The following RPS6KB1 variants were observed in gnomAD, a reference collection of about 807,000 sequenced individuals.
RPS6KB1 encodes the protein ribosomal protein S6 kinase beta-1.
In RPS6KB1, 12 loss-of-function variants were observed where a neutral mutation model predicts 70.2. The observed-to-expected ratio is 0.17, with a 90% CI of 0.11 to 0.28. The LOEUF is 0.28. RPS6KB1 is among the 10% of genes least tolerant of loss of function. The probability of loss-of-function intolerance (pLI) is 1.00; values close to 1 mark genes in which losing one functional copy is unlikely to be tolerated. For missense variants in RPS6KB1, 270 were observed against 646.6 expected (o/e 0.42, Z 6.32); for synonymous variants, 175 against 211.2 (o/e 0.83, Z 1.49).
intron 1 of RPS6KB1, among the ~76,000 whole-genome samples, chr17:59,909,456 CTG>C (rs1568409975): frequency 1.3e-5 from 2 of 149,366 alleles, no homozygotes; most frequent in Non-Finnish European, 3.0e-5. Flanking sequence ...TTATTAGAGA[CTG>C]GATTTCATCG....
chr17:59,927,894 T>C (rs1444319447), intron 5 of RPS6KB1, among the ~76,000 whole-genome samples: 6 of 151,072 alleles, frequency 4.0e-5, no homozygotes, highest in Admixed American at 3.3e-4. Flanking sequence ...GCTCAGTGGC[T>C]CATGCCTGTA....
chr17:59,939,193 GT>G (rs939771754), intron 12 of RPS6KB1, among the ~76,000 whole-genome samples: 3 of 151,892 alleles, frequency 2.0e-5, no homozygotes, highest in Non-Finnish European at 4.4e-5. Flanking sequence ...GTGTGTGTGT[GT>G]TTTTTTCTTT....
Position 59,917,029 on chromosome 17 carries a change from A to G in RPS6KB1, c.381+2326A>G, listed in dbSNP as rs145487008. On this transcript the variant is annotated intron_variant, in intron 4 of 14. Coordinates refer to ENST00000225577, the MANE Select transcript of RPS6KB1 (RefSeq NM_003161.4). ...ATTCCCAGTCGTTTACACATGGCCTATTTTTTCTGTGGAAATATTTAAGAT... is the reference window on the plus strand; with the variant it reads ...ATTCCCAGTCGTTTACACATGGCCTGTTTTTTCTGTGGAAATATTTAAGAT... Among the ~76,000 whole-genome samples the G allele has an allele frequency of 6.8e-4, 103 of 151,930 alleles. No homozygotes were observed. In the East Asian group the frequency reaches 0.019, roughly 28 times the overall value.
chr17:59,903,857 T>C (rs2042106423), intron 1 of RPS6KB1, among the ~76,000 whole-genome samples: 1 of 152,150 alleles, frequency 6.6e-6, no homozygotes, highest in African/African-American at 2.4e-5. Context: ...GAAATACCTA[T>C]TCAGATCCTA....
At chr17:59,936,419 A>G in intron 11 of RPS6KB1, 45 bp from the exon 12 acceptor site, 1 of 1,579,100 alleles carries the variant, frequency 6.3e-7, no homozygotes, top group East Asian at 2.2e-5. Flanking sequence ...TCAATCCAGC[A>G]AAGTCTAGTC....
chr17:59,925,994 TGTG>T (rs1401953181), intron 4 of RPS6KB1, among the ~76,000 whole-genome samples: 1 of 152,110 alleles, frequency 6.6e-6, no homozygotes, highest in African/African-American at 2.4e-5. Flanking sequence ...CTAGGTCAGA[TGTG>T]GTTCCCCTGT....
intron 1 of RPS6KB1, among the ~76,000 whole-genome samples, chr17:59,895,267 G>T (rs181307160): frequency 1.4e-5 from 2 of 147,868 alleles, no homozygotes; most frequent in Non-Finnish European, 3.0e-5. Context: ...TAATCTGCCC[G>T]CCTCGGCCTC....
chr17:59,932,406 C>G (rs932894190), intron 7 of RPS6KB1, among the ~76,000 whole-genome samples: 5 of 151,968 alleles, frequency 3.3e-5, no homozygotes, highest in African/African-American at 1.2e-4. Flanking sequence ...GAGCGAGACT[C>G]CGTCTCAAAA....
chr17:59,908,826 G>A (rs1268275839), intron 1 of RPS6KB1, among the ~76,000 whole-genome samples: 2 of 141,012 alleles, frequency 1.4e-5, no homozygotes, highest in African/African-American at 5.5e-5. Flanking sequence ...CACCGTGTTA[G>A]CCAGGATGGT....
chr17:59,932,302 C>T (rs1195091319), intron 7 of RPS6KB1, among the ~76,000 whole-genome samples: 1 of 151,562 alleles, frequency 6.6e-6, no homozygotes, highest in Non-Finnish European at 1.5e-5. Context: ...ATCCCAGCTA[C>T]TCAGGAGGCT....
intron 4 of RPS6KB1, among the ~76,000 whole-genome samples, chr17:59,925,133 T>G (rs2043529027): frequency 6.6e-6 from 1 of 152,104 alleles, no homozygotes; most frequent in Non-Finnish European, 1.5e-5. Context: ...GCCCGGCTGA[T>G]TTTTCTTATT....
chr17:59,930,990 T>A (rs2043896753), intron 6 of RPS6KB1: 1 of 152,880 alleles, frequency 6.5e-6, no homozygotes, highest in Non-Finnish European at 1.5e-5. Context: ...ATGCAGCCAG[T>A]ATTGCAGTGC....
intron 6 of RPS6KB1, 46 bp downstream of exon 6, chr17:59,930,220 A>G: frequency 9.5e-7 from 1 of 1,053,740 alleles, no homozygotes; most frequent in Non-Finnish European, 1.5e-6. Flanking sequence ...AATTACAAGC[A>G]AAGCCCCATT....
At chr17:59,929,306 T>G (rs775898422) in intron 5 of RPS6KB1, among the ~76,000 whole-genome samples, 1 of 152,214 alleles carries the variant, frequency 6.6e-6, no homozygotes, top group Non-Finnish European at 1.5e-5. Context: ...AATTTTTTTA[T>G]TTTTAATAGA....
At chr17:59,899,919 C>T (rs1210994891) in intron 1 of RPS6KB1, among the ~76,000 whole-genome samples, 1 of 151,910 alleles carries the variant, frequency 6.6e-6, no homozygotes, top group Non-Finnish European at 1.5e-5. Context: ...AATCCCAGAA[C>T]TTTGGGAAGC....
intron 4 of RPS6KB1, among the ~76,000 whole-genome samples, chr17:59,915,029 C>G (rs1442138372): frequency 6.6e-6 from 1 of 151,588 alleles, no homozygotes; most frequent in African/African-American, 2.4e-5. Context: ...CGCTCTGTCG[C>G]CCAGGCTGGA....
rs2531898 is a variant in RPS6KB1, at chr17:59,934,990, G to A, written c.871-203G>A. The A allele has an allele frequency of 6.5e-6, 3 of 461,370 alleles. No homozygotes were observed. The East Asian group carries it at 1.2e-4, about 18-fold the overall frequency. 28.6% of individuals were successfully genotyped at this position (461,370 alleles called of 1,614,324 possible). A position where few individuals can be genotyped will look rare whatever the true frequency, so the allele number is the denominator to read the frequency against. On this transcript the variant is annotated intron_variant, in intron 9 of 14. Transcript: ENST00000225577. This position sits in a 1 kb window ranked among gnomAD's most constrained non-coding sequence, Gnocchi z 4.8. ...TCATTTGAGCTAAGGATTATTAATA[G>A]AATCTAGCCTTGACAACATAGTTGA...
At chr17:59,942,815 A>G (rs1458224392) in intron 13 of RPS6KB1, among the ~76,000 whole-genome samples, 1 of 152,094 alleles carries the variant, frequency 6.6e-6, no homozygotes, top group East Asian at 1.9e-4. Context: ...CCCCATCTCT[A>G]CTAAAAGTAC....
intron 1 of RPS6KB1, among the ~76,000 whole-genome samples, chr17:59,903,371 A>G (rs915083100): frequency 4.0e-5 from 6 of 151,222 alleles, no homozygotes; most frequent in Non-Finnish European, 7.4e-5. Flanking sequence ...GCTGTTCGGG[A>G]GGCTGAAGTG....
Sources: gnomAD v4.1 joint callset for allele counts (sites outside exome capture counted in the v4.1 genomes callset) on GRCh38, gnomAD v4.1.1 for gene constraint, Gnocchi (gnomAD v3.1) non-coding constraint, MANE v1.5 for transcripts, NCBI Gene and HGNC (gene_info 2026-07-23, HGNC 2026-07-21) for gene names.